EDEM3: variants seen among roughly 807,000 people sequenced by gnomAD.
EDEM3 encodes ER degradation-enhancing alpha-mannosidase-like protein 3.
In EDEM3, 60 loss-of-function variants were observed where a neutral mutation model predicts 110.2. The observed-to-expected ratio is 0.54, with a 90% CI of 0.44 to 0.67. The LOEUF is 0.67. Ranked by LOEUF, EDEM3 falls within the 30% of genes least tolerant of loss-of-function variation. The pLI, the probability that EDEM3 is intolerant of heterozygous loss-of-function variation, is 0.00. For missense variants in EDEM3, 996 were observed against 1,121.0 expected (o/e 0.89, Z 1.59); for synonymous variants, 352 against 382.9 (o/e 0.92, Z 0.94).
At position 184,749,564 on chromosome 1, in the gene EDEM3, C is replaced by G. The variant is rs991933571; in HGVS notation, c.187G>C (p.Ala63Pro). The change falls in exon 2 of 20, where the codon GCT becomes CCT. Residue 63 changes from alanine (A) to proline (P), a missense_variant. By Grantham distance (27) the Ala-to-Pro change is conservative. Transcript: ENST00000318130. ...CTACTTACCATATAGTTACCATAAG[C>G]ATGATCAAACATTTCCAGTACTTGA... The part of the protein sequence containing the change: ...GNQVLEMFDH[A>P]YGNYMEHAYP... 1 of 1,557,360 alleles carries G rather than the reference C, an allele frequency of 6.4e-7. No individual in the cohort carries two copies. The highest frequency in any genetic ancestry group is 8.7e-7 in the Non-Finnish European group (1 of 1,153,218).
intron 19 of EDEM3, among the ~76,000 whole-genome samples, chr1:184,698,269 T>C (rs1352787908): frequency 3.3e-5 from 5 of 151,838 alleles, no homozygotes; most frequent in African/African-American, 1.2e-4. Flanking sequence ...CATTTCATTT[T>C]AGTAAATCTC....
At chr1:184,729,339 T>C (rs1651369762) in intron 6 of EDEM3, among the ~76,000 whole-genome samples, 1 of 152,206 alleles carries the variant, frequency 6.6e-6, no homozygotes, top group African/African-American at 2.4e-5. Flanking sequence ...CACTGTCTTT[T>C]TGCTACACTA....
At chr1:184,710,667 G>A in intron 15 of EDEM3, 120 bp from the exon 16 acceptor site, 1 of 1,124,860 alleles carries the variant, frequency 8.9e-7, no homozygotes, top group South Asian at 1.8e-5. Flanking sequence ...AGTGAAACTG[G>A]AATAACTAGA....
chr1:184,734,337 T>C (rs1006329863), intron 5 of EDEM3, among the ~76,000 whole-genome samples, 194 bp downstream of exon 5: 1 of 151,914 alleles, frequency 6.6e-6, no homozygotes, highest in Non-Finnish European at 1.5e-5. Context: ...GGCTTGGTGG[T>C]ATGCACCTGT....
chr1:184,723,700 CA>C (rs771552928), intron 8 of EDEM3, 50 bp downstream of exon 8: 1 of 1,323,008 alleles, frequency 7.6e-7, no homozygotes, highest in Non-Finnish European at 1.1e-6. Flanking sequence ...CTTTATTTCC[CA>C]ACCATTTTGA....
At chr1:184,752,229 A>T (rs1265870318) in intron 1 of EDEM3, among the ~76,000 whole-genome samples, 1 of 152,260 alleles carries the variant, frequency 6.6e-6, no homozygotes, top group Non-Finnish European at 1.5e-5. Context: ...CCAGCTAAGT[A>T]ATTCCACAAA....
chr1:184,697,169 T>G (rs1649375480), intron 19 of EDEM3, among the ~76,000 whole-genome samples: 1 of 151,780 alleles, frequency 6.6e-6, no homozygotes, highest in Non-Finnish European at 1.5e-5. Flanking sequence ...AGAATTAAAT[T>G]TATTATAAAA....
intron 4 of EDEM3, 123 bp downstream of exon 4, chr1:184,736,902 C>G: frequency 1.3e-6 from 1 of 755,868 alleles, no homozygotes; most frequent in South Asian, 2.0e-5. Flanking sequence ...TATTTAGAAG[C>G]AAAGATCAGA....
chr1:184,736,590 C>G (rs1651836621), intron 4 of EDEM3, among the ~76,000 whole-genome samples: 1 of 152,112 alleles, frequency 6.6e-6, no homozygotes, highest in Admixed American at 6.6e-5. Flanking sequence ...AAGAAGTGAT[C>G]ACCTGATGCT....
chr1:184,748,427 C>T (rs1017294699), intron 2 of EDEM3, among the ~76,000 whole-genome samples: 4 of 148,638 alleles, frequency 2.7e-5, no homozygotes, highest in Non-Finnish European at 5.9e-5. Context: ...ACAGCCTGGG[C>T]GACAGAGCAC....
intron 19 of EDEM3, among the ~76,000 whole-genome samples, chr1:184,697,900 G>A (rs896878279): frequency 6.6e-6 from 1 of 151,788 alleles, no homozygotes; most frequent in Non-Finnish European, 1.5e-5. Flanking sequence ...GTGTGTGTGT[G>A]TGTAACCTCT....
chr1:184,716,792 T>C, intron 13 of EDEM3, 96 bp downstream of exon 13: 1 of 1,499,018 alleles, frequency 6.7e-7, no homozygotes, highest in South Asian at 1.4e-5. Flanking sequence ...CTATCCTTTG[T>C]AAAAGAATTA....
At chr1:184,723,621 A>G (rs1014968375) in intron 8 of EDEM3, 130 bp downstream of exon 8, 1 of 756,604 alleles carries the variant, frequency 1.3e-6, no homozygotes, top group South Asian at 1.7e-5. Context: ...AAATTAATTA[A>G]AATTCCAGCA....
chr1:184,720,508 A>ATTTTTTTTTTTTTT (rs1558055306), intron 9 of EDEM3: 1 of 120,144 alleles, frequency 8.3e-6, no homozygotes, highest in African/African-American at 3.4e-5. Flanking sequence ...CATCTCCCAT[A>ATTTTTTTTTTTTTT]CTTTTTTTTT....
rs117397352 is a variant in EDEM3 at position 184,719,379 on chromosome 1, C to G, written c.1077+64G>C. On this transcript the variant is annotated intron_variant, in intron 10 of 19. Coordinates refer to ENST00000318130, the MANE Select transcript of EDEM3 (RefSeq NM_025191.4). ...TGTTTTGTAGTTCAGTTTTAAAGAT[C>G]AAAAATGCGCCTAATTAACATCATC... is the stretch of plus-strand genomic sequence containing the variant. 9,142 of 1,571,028 alleles carry G rather than the reference C, an allele frequency of 5.8e-3. 529 individuals are homozygous for G. In the Admixed American group the frequency reaches 0.12, roughly 20 times the overall value.
chr1:184,754,398 G>A (rs1652971045), intron 1 of EDEM3, 91 bp downstream of exon 1: 13 of 1,573,448 alleles, frequency 8.3e-6, no homozygotes, highest in Non-Finnish European at 1.1e-5. Context: ...CGCGACAGGA[G>A]AGGCCACTAC....
At chr1:184,730,834 T>C (rs1651469988) in intron 6 of EDEM3, among the ~76,000 whole-genome samples, 1 of 145,176 alleles carries the variant, frequency 6.9e-6, no homozygotes, top group Non-Finnish European at 1.5e-5. Flanking sequence ...TGCCGGGTGA[T>C]AGAGATGGTA....
chr1:184,719,583 C>A lies in EDEM3; in HGVS notation c.952-15G>T, dbSNP rs966313727. 1.2e-6 allele frequency: 2 copies of A among 1,611,834 alleles called. No homozygotes were observed. The highest frequency in any genetic ancestry group is 2.7e-5 in the African/African-American group (2 of 74,798). On this transcript the variant is annotated splice_polypyrimidine_tract_variant and intron_variant, in intron 9 of 19. Coordinates refer to ENST00000318130, the MANE Select transcript of EDEM3 (RefSeq NM_025191.4). ...GCATCATAGTGCTAAAAGATCACAA[C>A]ATGTGTTCATGAAAGTTAGATGAAA...
At chr1:184,712,629 T>C in intron 13 of EDEM3, 31 bp from the exon 14 acceptor site, 1 of 1,397,358 alleles carries the variant, frequency 7.2e-7, no homozygotes, top group East Asian at 2.5e-5. Context: ...TAAATATAAG[T>C]AGATAAAAAT....
Sources: gnomAD v4.1 joint callset for allele counts (sites outside exome capture counted in the v4.1 genomes callset) on GRCh38, gnomAD v4.1.1 for gene constraint, MANE v1.5 for transcripts, NCBI Gene and HGNC (gene_info 2026-07-23, HGNC 2026-07-21) for gene names.